DNAAF19: variants seen among roughly 807,000 people sequenced by gnomAD.
DNAAF19 encodes the protein coiled-coil domain containing 103.
At chr17:44,904,018 A>G in the DNAAF19 span, 1 of 1,550,652 alleles carries the variant, frequency 6.4e-7, no homozygotes, top group Non-Finnish European at 8.7e-7. Flanking sequence ...TGCCAGCTGT[A>G]GTCTGGTTCT....
At chr17:44,902,717 G>T in the DNAAF19 span, 1 of 1,613,320 alleles carries the variant, frequency 6.2e-7, no homozygotes. Context: ...GTGAAGGAGG[G>T]GCTCAGCTGG....
the DNAAF19 span, chr17:44,901,519 G>T: frequency 1.2e-6 from 2 of 1,614,032 alleles, no homozygotes; most frequent in Admixed American, 1.7e-5. Flanking sequence ...TTTGCCTACA[G>T]GGGTATTGTC....
chr17:44,900,885 C>A, the DNAAF19 span: 1 of 1,104,982 alleles, frequency 9.0e-7, no homozygotes, highest in Non-Finnish European at 1.3e-6. Flanking sequence ...GACATGATGT[C>A]CAGAGTGCTT....
the DNAAF19 span, chr17:44,903,785 T>A: frequency 6.6e-7 from 1 of 1,513,934 alleles, no homozygotes; most frequent in Non-Finnish European, 8.9e-7. Context: ...GAGCCTTTAA[T>A]GCCCTGGTTT....
the DNAAF19 span, chr17:44,902,572 G>C: frequency 6.2e-7 from 1 of 1,614,246 alleles, no homozygotes; most frequent in Non-Finnish European, 8.5e-7. Flanking sequence ...TGACCGGGCA[G>C]CGGTGCTGGG....
At chr17:44,902,702 G>C in the DNAAF19 span, 1 of 1,614,024 alleles carries the variant, frequency 6.2e-7, no homozygotes, top group East Asian at 2.2e-5. Context: ...GGCAACCCCA[G>C]ATCCGTGAAG....
chr17:44,902,451 G>A, the DNAAF19 span: 27 of 1,614,116 alleles, frequency 1.7e-5, no homozygotes, highest in Middle Eastern at 4.9e-4. Context: ...AGCGCTACCA[G>A]GCTCTACTGC....
chr17:44,903,041 A>G, the DNAAF19 span: 1 of 1,393,398 alleles, frequency 7.2e-7, no homozygotes, highest in East Asian at 2.6e-5. Flanking sequence ...GAGCTCAGGA[A>G]GTTGAGAGCG....
the DNAAF19 span, chr17:44,903,798 C>T: frequency 1.1e-5 from 17 of 1,529,136 alleles, no homozygotes; most frequent in Admixed American, 8.2e-5. Context: ...CCTGGTTTTG[C>T]CCTGCCCCTC....
At chr17:44,901,172 C>T in the DNAAF19 span, 1 of 1,599,128 alleles carries the variant, frequency 6.3e-7, no homozygotes, top group African/African-American at 1.4e-5. Context: ...CTCAGGCCCT[C>T]CTGTTATGGT....
chr17:44,901,998 G>C, the DNAAF19 span, among the ~76,000 whole-genome samples: 1 of 152,144 alleles, frequency 6.6e-6, no homozygotes, highest in Admixed American at 6.6e-5. Context: ...TGTTGAGAGA[G>C]AGACCCCAAC....
the DNAAF19 span, chr17:44,905,010 C>T: frequency 1.3e-6 from 2 of 1,550,742 alleles, no homozygotes; most frequent in South Asian, 2.4e-5. Context: ...GTCTTTGTCA[C>T]CATTCACTTC....
At chr17:44,901,652 G>A in the DNAAF19 span, 16 of 1,614,016 alleles carry the variant, frequency 9.9e-6, no homozygotes, top group Admixed American at 3.3e-5. Flanking sequence ...AAATCTCCCC[G>A]GTAGGTGAGG....
At chr17:44,902,978 C>T in the DNAAF19 span, 1 of 1,431,882 alleles carries the variant, frequency 7.0e-7, no homozygotes. Flanking sequence ...CCCCACTTCT[C>T]CAGTCCCTCA....
chr17:44,900,345 G>A, the DNAAF19 span, among the ~76,000 whole-genome samples: 2 of 152,016 alleles, frequency 1.3e-5, no homozygotes, highest in South Asian at 4.2e-4. Context: ...CAGATATGCA[G>A]AAACTACAGA....
the DNAAF19 span, among the ~76,000 whole-genome samples, chr17:44,900,637 C>T: frequency 6.6e-6 from 1 of 152,150 alleles, no homozygotes; most frequent in Non-Finnish European, 1.5e-5. Flanking sequence ...GTAGAACAAT[C>T]CTATGGGGGA....
chr17:44,902,371 G>GC, the DNAAF19 span: 10 of 1,614,206 alleles, frequency 6.2e-6, no homozygotes, highest in Admixed American at 1.0e-4. Flanking sequence ...CCAGGAGAAA[G>GC]CCCCCCTCCA....
chr17:44,903,660 A>G, the DNAAF19 span: 1 of 1,433,876 alleles, frequency 7.0e-7, no homozygotes, highest in African/African-American at 1.4e-5. Context: ...TCCACTGGGA[A>G]TAAATTGCCT....
chr17:44,901,478 C>G, the DNAAF19 span: 50 of 1,610,888 alleles, frequency 3.1e-5, no homozygotes, highest in East Asian at 1.0e-3. Context: ...CCCACAGACA[C>G]AGCATTAAGT....
Sources: gnomAD v4.1 joint callset for allele counts (sites outside exome capture counted in the v4.1 genomes callset) on GRCh38, gnomAD v4.1.1 for gene constraint, MANE v1.5 for transcripts, NCBI Gene and HGNC (gene_info 2026-07-23, HGNC 2026-07-21) for gene names.